TGFA: variants seen among roughly 807,000 people sequenced by gnomAD.
TGFA encodes transforming growth factor alpha.
Under a neutral mutation model 21.7 loss-of-function variants are expected in TGFA, and 12 were observed. That is an observed-to-expected ratio of 0.55 (90% CI 0.35 to 0.90). The LOEUF (loss-of-function observed/expected upper bound fraction) is 0.90, where lower values mean the gene tolerates loss of function less well. Ranked by LOEUF, TGFA falls within the 40% of genes least tolerant of loss-of-function variation. TGFA has a pLI of 0.01. For missense variants in TGFA, 178 were observed against 210.8 expected, an observed-to-expected ratio of 0.84 and a Z score of 0.96; for synonymous variants, 79 against 88.1, an observed-to-expected ratio of 0.90 and a Z score of 0.58.
chr2:70,546,851 G>A (rs949932247), intron 1 of TGFA, among the ~76,000 whole-genome samples: 19 of 151,948 alleles, frequency 1.3e-4, no homozygotes, highest in African/African-American at 4.1e-4. Context: ...CACCTTGCTT[G>A]GCCAGAAAAC....
intron 2 of TGFA, among the ~76,000 whole-genome samples, chr2:70,499,288 T>A (rs1671668392): frequency 6.6e-6 from 1 of 152,220 alleles, no homozygotes; most frequent in Non-Finnish European, 1.5e-5. Flanking sequence ...GAATGAAATG[T>A]GAGCACTGAC....
At chr2:70,507,229 C>T (rs967388372) in intron 2 of TGFA, among the ~76,000 whole-genome samples, 4 of 152,256 alleles carry the variant, frequency 2.6e-5, no homozygotes, top group Admixed American at 1.3e-4. Flanking sequence ...GCACTCAGTG[C>T]ACACTGGCCA....
intron 2 of TGFA, among the ~76,000 whole-genome samples, chr2:70,491,565 T>C (rs1553497638): frequency 6.6e-6 from 1 of 152,186 alleles, no homozygotes; most frequent in African/African-American, 2.4e-5. Context: ...TTTATCTTTT[T>C]GAAAATTCAA....
At chr2:70,486,470 TGTTG>T (rs1671273992) in intron 2 of TGFA, among the ~76,000 whole-genome samples, 1 of 151,678 alleles carries the variant, frequency 6.6e-6, no homozygotes, top group African/African-American at 2.4e-5. Context: ...TTTGTTTGTT[TGTTG>T]TTGTTGTTTG....
chr2:70,492,976 A>C lies in TGFA; in HGVS notation c.94+21883T>G, dbSNP rs533458734. Among the ~76,000 whole-genome samples, 9 of 152,314 alleles carry C rather than the reference A, an allele frequency of 5.9e-5. No individual in the cohort carries two copies. In the South Asian group the frequency reaches 1.9e-3, roughly 32 times the overall value. ...ATTTTAAAACTCATTCTCACTTAAAAATTTTAAAATGTAGCCCTCATTCCC... is the reference window on the plus strand; with the variant it reads ...ATTTTAAAACTCATTCTCACTTAAACATTTTAAAATGTAGCCCTCATTCCC... On this transcript the variant is annotated intron_variant, in intron 2 of 5. Coordinates refer to ENST00000295400, the MANE Select transcript of TGFA (RefSeq NM_003236.4).
chr2:70,457,837 C>T lies in TGFA; in HGVS notation c.216-1349G>A, dbSNP rs782017611. Among the ~76,000 whole-genome samples, 35 of 152,130 alleles carry T rather than the reference C, an allele frequency of 2.3e-4. 1 individual carries two copies. The highest frequency in any genetic ancestry group is 7.9e-4 in the Admixed American group (12 of 15,270). On this transcript the variant is annotated intron_variant, in intron 3 of 5. Transcript: ENST00000295400. ...GATTATAGGCGTGAATCACAGTGCCCGGCCTGCTGGTGAGGACTTCTTAAC... is the reference window on the plus strand; with the variant it reads ...GATTATAGGCGTGAATCACAGTGCCTGGCCTGCTGGTGAGGACTTCTTAAC...
intron 2 of TGFA, among the ~76,000 whole-genome samples, chr2:70,478,198 T>C (rs1178076566): frequency 6.6e-6 from 1 of 152,164 alleles, no homozygotes; most frequent in African/African-American, 2.4e-5. Context: ...AGATCAGCTT[T>C]GTAATTGAAC....
intron 2 of TGFA, among the ~76,000 whole-genome samples, chr2:70,483,096 T>C (rs569273784): frequency 6.6e-6 from 1 of 152,354 alleles, no homozygotes; most frequent in African/African-American, 2.4e-5. Flanking sequence ...TTTGTCCAAC[T>C]GAATATTTTG....
At chr2:70,491,459 T>C (rs377517170) in intron 2 of TGFA, among the ~76,000 whole-genome samples, 61 of 152,306 alleles carry the variant, frequency 4.0e-4, no homozygotes, top group Non-Finnish European at 7.1e-4. Context: ...CCCACTCCAC[T>C]CAAGATGGCT....
chr2:70,487,726 C>T (rs1559115199), intron 2 of TGFA, among the ~76,000 whole-genome samples: 1 of 152,154 alleles, frequency 6.6e-6, no homozygotes, highest in African/African-American at 2.4e-5. Context: ...TAACCAATCT[C>T]CTCTTATTGG....
chr2:70,517,000 C>A (rs1190158582), intron 1 of TGFA, among the ~76,000 whole-genome samples: 1 of 152,190 alleles, frequency 6.6e-6, no homozygotes, highest in African/African-American at 2.4e-5. Context: ...GACAAGAAAG[C>A]AAACACTGTA....
chr2:70,529,680 C>T lies in TGFA; in HGVS notation c.41-14768G>A, dbSNP rs541118129. Among the ~76,000 whole-genome samples the T allele has an allele frequency of 1.9e-3, 290 of 152,164 alleles. 1 individual carries two copies. The highest frequency in any genetic ancestry group is 6.4e-3 in the African/African-American group (264 of 41,518). On this transcript the variant is annotated intron_variant, in intron 1 of 5. Transcript: ENST00000295400. ...GAGGCTGGAGAGATGCTGGGGCAGACGCCTCCAGTGGGGAGCACTAGGGGC... is the reference window on the plus strand; with the variant it reads ...GAGGCTGGAGAGATGCTGGGGCAGATGCCTCCAGTGGGGAGCACTAGGGGC...
chr2:70,498,593 C>T (rs996163660), intron 2 of TGFA, among the ~76,000 whole-genome samples: 2 of 152,024 alleles, frequency 1.3e-5, no homozygotes, highest in Non-Finnish European at 2.9e-5. Context: ...AGGGACCACC[C>T]ATTTACTGAC....
At chr2:70,501,333 C>T (rs1553499127) in intron 2 of TGFA, among the ~76,000 whole-genome samples, 1 of 151,642 alleles carries the variant, frequency 6.6e-6, no homozygotes, top group Non-Finnish European at 1.5e-5. Flanking sequence ...CTTCCTAACA[C>T]CATTTTGTTC....
intron 1 of TGFA, among the ~76,000 whole-genome samples, chr2:70,536,323 C>G (rs1358988624): frequency 6.6e-6 from 1 of 152,196 alleles, no homozygotes; most frequent in Admixed American, 6.5e-5. Flanking sequence ...CAATATCCCT[C>G]TAGCAGAAGT....
chr2:70,548,040 T>G (rs954694423), intron 1 of TGFA, among the ~76,000 whole-genome samples: 10 of 151,806 alleles, frequency 6.6e-5, no homozygotes, highest in Non-Finnish European at 1.5e-4. Context: ...TTTGCAATTG[T>G]GAAGACATTA....
chr2:70,458,176 C>G (rs1338715627), intron 3 of TGFA, among the ~76,000 whole-genome samples: 12 of 152,130 alleles, frequency 7.9e-5, no homozygotes, highest in African/African-American at 2.4e-5. Flanking sequence ...AAACAGCTCT[C>G]CCTGCAGGCA....
chr2:70,533,794 A>C (rs1010516267), intron 1 of TGFA, among the ~76,000 whole-genome samples: 10 of 152,222 alleles, frequency 6.6e-5, no homozygotes, highest in Admixed American at 5.9e-4. Flanking sequence ...TTGGAATTAC[A>C]AGCAAATTAA....
chr2:70,457,545 C>CTTT (rs562850221), intron 3 of TGFA, among the ~76,000 whole-genome samples: 24 of 143,726 alleles, frequency 1.7e-4, no homozygotes, highest in East Asian at 4.1e-4. Flanking sequence ...GGCGGGACTT[C>CTTT]TTTTTTTTTT....
Sources: allele counts gnomAD v4.1 joint callset (sites outside exome capture counted in the v4.1 genomes callset), GRCh38; gene constraint gnomAD v4.1.1; transcripts MANE v1.5; gene names NCBI Gene and HGNC (gene_info 2026-07-23, HGNC 2026-07-21).